The following SHISA9 variants were observed in gnomAD, a reference collection of about 807,000 sequenced individuals.
The protein encoded by SHISA9 is protein shisa-9.
SHISA9 carries 13 observed loss-of-function variants against 38.0 expected under a neutral mutation model. The ratio of observed to expected loss-of-function variants is 0.34; its 90% confidence interval spans 0.22 to 0.54. The LOEUF is 0.54. Ranked by LOEUF, SHISA9 falls within the 20% of genes least tolerant of loss-of-function variation. The probability of loss-of-function intolerance (pLI) is 0.91; values close to 1 mark genes in which losing one functional copy is unlikely to be tolerated. For missense variants in SHISA9, 538 were observed against 575.8 expected (o/e 0.93, Z 0.67); for synonymous variants, 275 against 242.0 (o/e 1.14, Z -1.27).
the SHISA9 span, among the ~76,000 whole-genome samples, chr16:13,516,288 G>A: frequency 2.6e-5 from 4 of 152,180 alleles, no homozygotes; most frequent in African/African-American, 9.7e-5. Flanking sequence ...CAACAAATAC[G>A]AGGTGAGGCA....
chr16:13,383,260 A>G, the SHISA9 span, among the ~76,000 whole-genome samples: 1 of 152,208 alleles, frequency 6.6e-6, no homozygotes, highest in Non-Finnish European at 1.5e-5. Context: ...GGACGTGGGA[A>G]TGGAGAAAGC....
At chr16:13,319,369 C>T in the SHISA9 span, among the ~76,000 whole-genome samples, 1 of 152,174 alleles carries the variant, frequency 6.6e-6, no homozygotes, top group Non-Finnish European at 1.5e-5. Context: ...TTTCGGCCTA[C>T]CACGTTTATC....
At chr16:13,015,848 CTTT>C (rs2072737083) in intron 2 of SHISA9, among the ~76,000 whole-genome samples, 1 of 141,806 alleles carries the variant, frequency 7.1e-6, no homozygotes, top group African/African-American at 2.6e-5. Context: ...TTCTTTCTTT[CTTT>C]CCCTTTCTTT....
Position 13,211,501 on chromosome 16 carries a change from A to G in SHISA9, c.848-1752A>G, listed in dbSNP as rs537172773. Among the ~76,000 whole-genome samples, 7 of 152,210 alleles carry G rather than the reference A, an allele frequency of 4.6e-5. No homozygotes were observed. In the South Asian group the frequency reaches 1.5e-3, roughly 32 times the overall value. On this transcript the variant is annotated intron_variant, in intron 3 of 4. Transcript: ENST00000558583. ...ATCCACATCCCAATAAAAATGAGAA[A>G]TATTTTCGTCACACTGAAAGTTCCC...
intron 2 of SHISA9, among the ~76,000 whole-genome samples, chr16:13,076,059 C>T (rs1419601959): frequency 7.0e-6 from 1 of 142,356 alleles, no homozygotes; most frequent in African/African-American, 2.6e-5. Context: ...GAGATGCAGT[C>T]TCGCTCTGTC....
At chr16:13,306,688 G>A in the SHISA9 span, among the ~76,000 whole-genome samples, 1 of 152,236 alleles carries the variant, frequency 6.6e-6, no homozygotes, top group South Asian at 2.1e-4. Context: ...CATCTTCCAG[G>A]GAGCTAACAT....
At chr16:13,482,961 C>T in the SHISA9 span, among the ~76,000 whole-genome samples, 75 of 152,164 alleles carry the variant, frequency 4.9e-4, no homozygotes, top group African/African-American at 1.4e-3. Context: ...AGATGTAACT[C>T]GGAGAAAAAC....
the SHISA9 span, among the ~76,000 whole-genome samples, chr16:13,439,478 T>C: frequency 1.3e-5 from 2 of 152,234 alleles, no homozygotes; most frequent in Non-Finnish European, 2.9e-5. Flanking sequence ...TTATTTACCT[T>C]AAATATATAC....
At chr16:13,258,605 A>G in the SHISA9 span, among the ~76,000 whole-genome samples, 3 of 152,222 alleles carry the variant, frequency 2.0e-5, no homozygotes, top group South Asian at 2.1e-4. Flanking sequence ...GGGAACAAAA[A>G]GAGGCTTAGT....
At chr16:13,321,855 T>C in the SHISA9 span, among the ~76,000 whole-genome samples, 3 of 152,164 alleles carry the variant, frequency 2.0e-5, no homozygotes, top group Admixed American at 2.0e-4. Context: ...AACAAACACT[T>C]AGCCTTTTGG....
At chr16:13,022,131 G>A (rs557258814) in intron 2 of SHISA9, among the ~76,000 whole-genome samples, 19 of 151,978 alleles carry the variant, frequency 1.3e-4, no homozygotes, top group East Asian at 3.9e-4. Flanking sequence ...CTGTATCTGC[G>A]TGTCTCAAAT....
chr16:12,905,005 A>T (rs1179506314), intron 1 of SHISA9, among the ~76,000 whole-genome samples: 1 of 152,214 alleles, frequency 6.6e-6, no homozygotes, highest in African/African-American at 2.4e-5. Context: ...GGCATGAGCC[A>T]CTGTGCCCGA....
chr16:13,029,507 G>A (rs1312093779), intron 2 of SHISA9, among the ~76,000 whole-genome samples: 2 of 152,218 alleles, frequency 1.3e-5, no homozygotes, highest in African/African-American at 4.8e-5. Flanking sequence ...TACTCGGGAG[G>A]CTAAGGAGGG....
chr16:12,972,366 A>T (rs1366267649), intron 2 of SHISA9, among the ~76,000 whole-genome samples: 4 of 152,156 alleles, frequency 2.6e-5, no homozygotes, highest in South Asian at 2.1e-4. Context: ...CAAGTCCTAA[A>T]ACCAAATGAG....
intron 4 of SHISA9, among the ~76,000 whole-genome samples, chr16:13,225,311 T>C (rs204025): frequency 0.8 from 121,349 of 152,122 alleles, 48,684 homozygotes; most frequent in Middle Eastern, 0.89. Context: ...TGTATTTCTG[T>C]TGTTTTAAGC....
chr16:13,296,384 G>A, the SHISA9 span, among the ~76,000 whole-genome samples: 2 of 151,400 alleles, frequency 1.3e-5, no homozygotes, highest in African/African-American at 4.9e-5. Flanking sequence ...TTATCTAGAG[G>A]GTTGTTATTT....
chr16:13,222,993 C>G (rs1162682863), intron 4 of SHISA9, among the ~76,000 whole-genome samples: 2 of 152,158 alleles, frequency 1.3e-5, no homozygotes, highest in African/African-American at 2.4e-5. Flanking sequence ...CTCTTCAATA[C>G]TCTCCATCCC....
intron 2 of SHISA9, among the ~76,000 whole-genome samples, chr16:12,969,260 G>C (rs113099660): frequency 8.7e-4 from 133 of 152,034 alleles, no homozygotes; most frequent in African/African-American, 3.1e-3. Flanking sequence ...TTCACCTACA[G>C]TGAACCTGCC....
intron 4 of SHISA9, among the ~76,000 whole-genome samples, chr16:13,216,240 T>A (rs2051167904): frequency 6.8e-6 from 1 of 148,086 alleles, no homozygotes; most frequent in African/African-American, 2.5e-5. Context: ...GGGCTTAGAC[T>A]CAGGCATATA....
Sources: gnomAD v4.1 joint callset for allele counts (sites outside exome capture counted in the v4.1 genomes callset) on GRCh38, gnomAD v4.1.1 for gene constraint, MANE v1.5 for transcripts, NCBI Gene and HGNC (gene_info 2026-07-23, HGNC 2026-07-21) for gene names.